Variants in SGCD observed in about 807,000 individuals in gnomAD.
The protein encoded by SGCD is delta-sarcoglycan.
In SGCD, 18 loss-of-function variants were observed where a neutral mutation model predicts 36.6. The observed-to-expected ratio is 0.49, with a 90% confidence interval of 0.34 to 0.73. The LOEUF is 0.73. Ranked by LOEUF, SGCD falls within the 30% of genes least tolerant of loss-of-function variation. SGCD has a pLI of 0.01. For synonymous variants in SGCD, 133 were observed against 130.6 expected, an observed-to-expected ratio of 1.02 and a Z score of -0.12; for missense variants, 387 against 346.7, an observed-to-expected ratio of 1.12 and a Z score of -0.92.
At chr5:156,639,491 T>C (rs1398300968) in intron 6 of SGCD, among the ~76,000 whole-genome samples, 1 of 152,190 alleles carries the variant, frequency 6.6e-6, no homozygotes, top group Non-Finnish European at 1.5e-5. Flanking sequence ...TATATAAAAG[T>C]GTGGTTACTA....
the SGCD span, among the ~76,000 whole-genome samples, chr5:155,773,600 A>G: frequency 6.6e-6 from 1 of 152,152 alleles, no homozygotes; most frequent in Admixed American, 6.6e-5. Context: ...ACTACCAGGT[A>G]TTTGGGAAGA....
chr5:156,073,199 C>A (rs189758930), intron 1 of SGCD, among the ~76,000 whole-genome samples: 1 of 152,100 alleles, frequency 6.6e-6, no homozygotes, highest in Non-Finnish European at 1.5e-5. Context: ...AATGACACGA[C>A]GGAGTAGATG....
the SGCD span, among the ~76,000 whole-genome samples, chr5:155,832,476 T>C: frequency 6.6e-6 from 1 of 152,194 alleles, no homozygotes; most frequent in Non-Finnish European, 1.5e-5. Context: ...TCTGGTCTTC[T>C]GCATGGTTGG....
intron 3 of SGCD, among the ~76,000 whole-genome samples, chr5:156,493,168 G>A (rs1220516678): frequency 1.3e-5 from 2 of 152,060 alleles, no homozygotes; most frequent in African/African-American, 4.8e-5. Flanking sequence ...GAAACGACAT[G>A]ATGTTTTGAT....
At chr5:156,023,632 T>C (rs1354057549) in intron 1 of SGCD, among the ~76,000 whole-genome samples, 1 of 152,204 alleles carries the variant, frequency 6.6e-6, no homozygotes, top group African/African-American at 2.4e-5. Flanking sequence ...GCTGAGCTCC[T>C]TCAGGTGCCA....
the SGCD span, among the ~76,000 whole-genome samples, chr5:155,750,011 CTTG>C: frequency 6.6e-6 from 1 of 152,114 alleles, no homozygotes; most frequent in African/African-American, 2.4e-5. Flanking sequence ...ATGAATCATT[CTTG>C]TTGTTTGTCT....
intron 3 of SGCD, among the ~76,000 whole-genome samples, chr5:156,226,481 G>T (rs550676650): frequency 8.4e-4 from 128 of 152,210 alleles, no homozygotes; most frequent in African/African-American, 2.9e-3. Context: ...TGGGCATTTG[G>T]GTTGGTTCTA....
the SGCD span, among the ~76,000 whole-genome samples, chr5:155,758,954 G>T: frequency 2.0e-5 from 3 of 152,082 alleles, no homozygotes; most frequent in African/African-American, 7.2e-5. Context: ...TGATCATGAA[G>T]TTGGTGTATT....
chr5:156,014,749 G>GT (rs1439964741), intron 1 of SGCD, among the ~76,000 whole-genome samples: 2 of 151,976 alleles, frequency 1.3e-5, no homozygotes, highest in Admixed American at 6.6e-5. Context: ...TATTTTTCCT[G>GT]TTTTTTATTT....
chr5:155,799,396 ATTT>A, the SGCD span, among the ~76,000 whole-genome samples: 2 of 124,784 alleles, frequency 1.6e-5, no homozygotes. Flanking sequence ...CAATGACTTT[ATTT>A]TTTTTTTTTT....
the SGCD span, among the ~76,000 whole-genome samples, chr5:155,802,568 C>A: frequency 6.6e-6 from 1 of 152,176 alleles, no homozygotes. Context: ...CAGAATCATA[C>A]AGACACAGTT....
the SGCD span, among the ~76,000 whole-genome samples, chr5:155,810,247 T>C: frequency 6.6e-6 from 1 of 152,228 alleles, no homozygotes; most frequent in Non-Finnish European, 1.5e-5. Flanking sequence ...TTTCCTTCAT[T>C]TTTATTTCTT....
chr5:156,715,711 C>A (rs537464404), intron 7 of SGCD, among the ~76,000 whole-genome samples: 14 of 152,304 alleles, frequency 9.2e-5, no homozygotes, highest in South Asian at 4.1e-4. Context: ...CCTGCCTGGG[C>A]CTCAATTTCC....
At chr5:155,743,302 C>T in the SGCD span, among the ~76,000 whole-genome samples, 23 of 152,102 alleles carry the variant, frequency 1.5e-4, no homozygotes, top group Admixed American at 1.3e-3. Flanking sequence ...CTCCTATCAC[C>T]GGGAAGTTAC....
intron 6 of SGCD, among the ~76,000 whole-genome samples, chr5:156,616,425 G>A (rs1255483645): frequency 1.3e-5 from 2 of 152,124 alleles, no homozygotes; most frequent in South Asian, 4.1e-4. Context: ...AGAGGGAATA[G>A]GTGCTAGGAA....
intron 6 of SGCD, among the ~76,000 whole-genome samples, chr5:156,608,697 C>T (rs2113449147): frequency 6.6e-6 from 1 of 152,304 alleles, no homozygotes; most frequent in Non-Finnish European, 1.5e-5. Context: ...TTGTAGGTCT[C>T]TAAGGACTTG....
At chr5:156,587,766 ATTC>A (rs1302652444) in intron 4 of SGCD, among the ~76,000 whole-genome samples, 6 of 152,088 alleles carry the variant, frequency 3.9e-5, no homozygotes, top group African/African-American at 1.4e-4. Context: ...TCCTTCAGGA[ATTC>A]TTCTTTGCTT....
At position 156,655,915 on chromosome 5, in the gene SGCD, T is replaced by C. The variant is rs192769067; in HGVS notation, c.575+8379T>C. Reference sequence around the variant, plus strand: ...GAAATAGGCCATTCAGTTTTGCATATGTATTTTCCATAGGAACAGAGGCTT... The same window carrying C: ...GAAATAGGCCATTCAGTTTTGCATACGTATTTTCCATAGGAACAGAGGCTT... On this transcript the variant is annotated intron_variant, in intron 7 of 8. Coordinates refer to ENST00000337851, the MANE Select transcript of SGCD (RefSeq NM_000337.6). 7.2e-5 allele frequency among the ~76,000 whole-genome samples: 11 copies of C among 152,246 alleles called. No individual in the cohort carries two copies. In the East Asian group the frequency reaches 1.4e-3, roughly 19 times the overall value.
At chr5:155,811,658 T>C in the SGCD span, among the ~76,000 whole-genome samples, 9 of 152,204 alleles carry the variant, frequency 5.9e-5, no homozygotes, top group Non-Finnish European at 1.0e-4. Context: ...CGGGGCTCTC[T>C]CTTTGTTCCC....
Sources: gnomAD v4.1 joint callset for allele counts (sites outside exome capture counted in the v4.1 genomes callset) on GRCh38, gnomAD v4.1.1 for gene constraint, MANE v1.5 for transcripts, NCBI Gene and HGNC (gene_info 2026-07-23, HGNC 2026-07-21) for gene names.